Variants in AGMO observed in about 807,000 individuals in gnomAD.
AGMO encodes the protein glyceryl-ether monooxygenase.
In AGMO, 75 loss-of-function variants were observed where a neutral mutation model predicts 60.2. The observed-to-expected ratio is 1.25, with a 90% confidence interval of 1.03 to 1.51. AGMO has a LOEUF of 1.51. Among genes scored for constraint, AGMO ranks in the 40% most tolerant of loss-of-function variants. The pLI, the probability that AGMO is intolerant of heterozygous loss-of-function variation, is 0.00. For missense variants in AGMO, 763 were observed against 525.5 expected (o/e 1.45, Z -4.42); for synonymous variants, 261 against 177.1 (o/e 1.47, Z -3.76).
chr7:15,352,447 GTT>G (rs564021801), intron 12 of AGMO, among the ~76,000 whole-genome samples: 1 of 135,362 alleles, frequency 7.4e-6, no homozygotes. Flanking sequence ...CCAGAAGTAT[GTT>G]TTTTTTTTTT....
At chr7:15,354,440 ACACACG>A (rs1563105586) in intron 12 of AGMO, among the ~76,000 whole-genome samples, 1,416 of 20,560 alleles carry the variant, frequency 0.069, 197 homozygotes, top group Admixed American at 0.083. Context: ...GTGTGTGTAT[ACACACG>A]TGTGTGTATA....
chr7:15,118,364 G>A, the AGMO span, among the ~76,000 whole-genome samples: 1 of 151,940 alleles, frequency 6.6e-6, no homozygotes, highest in Non-Finnish European at 1.5e-5. Flanking sequence ...ATAGTTACAT[G>A]CAATTATCTG....
intron 2 of AGMO, among the ~76,000 whole-genome samples, chr7:15,555,824 C>G (rs554943233): frequency 6.6e-6 from 1 of 151,912 alleles, no homozygotes. Flanking sequence ...AAGACAAAGT[C>G]TATTTATTAG....
chr7:15,245,146 T>A (rs1409114886), intron 12 of AGMO, among the ~76,000 whole-genome samples: 1 of 152,164 alleles, frequency 6.6e-6, no homozygotes, highest in Non-Finnish European at 1.5e-5. Flanking sequence ...CCTAGTAGAT[T>A]AGGGTATTGT....
At chr7:15,322,575 A>T (rs866154649) in intron 12 of AGMO, among the ~76,000 whole-genome samples, 33 of 41,552 alleles carry the variant, frequency 7.9e-4, no homozygotes, top group African/African-American at 1.2e-3. Flanking sequence ...AATATATATA[A>T]ATATATATAA....
chr7:15,478,335 A>G lies in AGMO; in HGVS notation c.410-47227T>C, dbSNP rs184804607. ...GTTTGTCTATGAAACTAAAGGCTAA[A>G]GCTTGGTAATCTCCAAGGGTCTTTC... is the stretch of plus-strand genomic sequence containing the variant. On this transcript the variant is annotated intron_variant, in intron 3 of 12. Coordinates refer to ENST00000342526, the MANE Select transcript of AGMO (RefSeq NM_001004320.2). Among the ~76,000 whole-genome samples the G allele has an allele frequency of 3.7e-4, 57 of 152,276 alleles. No homozygotes were observed. The East Asian group carries it at 0.011, about 28-fold the overall frequency.
chr7:15,252,829 T>C (rs1412215843), intron 12 of AGMO, among the ~76,000 whole-genome samples: 1 of 152,114 alleles, frequency 6.6e-6, no homozygotes, highest in Non-Finnish European at 1.5e-5. Flanking sequence ...CAGTAACAGA[T>C]ACTGAAAAAG....
chr7:15,300,722 G>T (rs1431652397), intron 12 of AGMO, among the ~76,000 whole-genome samples: 1 of 152,138 alleles, frequency 6.6e-6, no homozygotes, highest in African/African-American at 2.4e-5. Flanking sequence ...GCATGAGAAA[G>T]AGTAAAACTC....
intron 3 of AGMO, among the ~76,000 whole-genome samples, chr7:15,505,616 T>C (rs1002792692): frequency 6.6e-6 from 1 of 152,032 alleles, no homozygotes; most frequent in Admixed American, 6.6e-5. Flanking sequence ...TGAAAAGTCT[T>C]GAGTTTTTGT....
chr7:15,409,562 G>C (rs1406705369), intron 5 of AGMO, among the ~76,000 whole-genome samples: 1 of 151,780 alleles, frequency 6.6e-6, no homozygotes, highest in Non-Finnish European at 1.5e-5. Context: ...TTCTAGAATG[G>C]TTTCCTGCTG....
At chr7:15,354,968 T>A (rs1022893432) in intron 12 of AGMO, among the ~76,000 whole-genome samples, 9 of 152,092 alleles carry the variant, frequency 5.9e-5, no homozygotes, top group Non-Finnish European at 1.3e-4. Flanking sequence ...TGAAGTGGCT[T>A]ATGCTCACTT....
At chr7:15,519,506 C>T (rs1245168446) in intron 3 of AGMO, among the ~76,000 whole-genome samples, 1 of 152,184 alleles carries the variant, frequency 6.6e-6, no homozygotes, top group East Asian at 1.9e-4. Context: ...CAACATTCAA[C>T]ATTCTTAAAG....
intron 10 of AGMO, among the ~76,000 whole-genome samples, chr7:15,369,801 A>G (rs1391689893): frequency 6.6e-6 from 1 of 152,168 alleles, no homozygotes; most frequent in South Asian, 2.1e-4. Context: ...CAATATGTTT[A>G]TTGAAAGACT....
At chr7:15,337,840 A>AC (rs1781712174) in intron 12 of AGMO, among the ~76,000 whole-genome samples, 1 of 152,104 alleles carries the variant, frequency 6.6e-6, no homozygotes, top group Admixed American at 6.6e-5. Flanking sequence ...TATATTAGGC[A>AC]CCTGGGCTCC....
chr7:15,178,008 A>G, the AGMO span, among the ~76,000 whole-genome samples: 3 of 152,182 alleles, frequency 2.0e-5, no homozygotes, highest in Middle Eastern at 6.8e-3. Flanking sequence ...TGTCTTAATT[A>G]TATTGTTCGT....
intron 12 of AGMO, among the ~76,000 whole-genome samples, chr7:15,284,336 G>C (rs774764447): frequency 6.6e-6 from 1 of 151,988 alleles, no homozygotes; most frequent in Admixed American, 6.6e-5. Flanking sequence ...CCATTAGCTA[G>C]ATTAATCAAG....
Position 15,210,384 on chromosome 7 carries a change from G to A in AGMO, c.1264-9025C>T, listed in dbSNP as rs73277603. The stretch of plus-strand genomic sequence containing the variant: ...TAAGATCCTCTGCTAATATTAATCT[G>A]GAAGATGTTGATTTACTTTTTAAGT... On this transcript the variant is annotated intron_variant, in intron 12 of 12. Transcript: ENST00000342526. Among the ~76,000 whole-genome samples, 1,422 of 152,154 alleles carry A rather than the reference G, an allele frequency of 9.3e-3. 23 individuals carry two copies. Among genetic ancestry groups the A allele is most frequent in the African/African-American group, 0.033 (1,357 of 41,526 alleles).
intron 2 of AGMO, among the ~76,000 whole-genome samples, chr7:15,545,863 A>G (rs1784766802): frequency 6.6e-6 from 1 of 151,812 alleles, no homozygotes; most frequent in Non-Finnish European, 1.5e-5. Flanking sequence ...TTCCTTCTAT[A>G]TTTATTATTA....
chr7:15,265,809 G>A (rs956303764), intron 12 of AGMO, among the ~76,000 whole-genome samples: 1 of 152,048 alleles, frequency 6.6e-6, no homozygotes, highest in Non-Finnish European at 1.5e-5. Context: ...TGAAAGCCAT[G>A]TCTTGAAAAG....
Sources: allele counts gnomAD v4.1 joint callset (sites outside exome capture counted in the v4.1 genomes callset), GRCh38; gene constraint gnomAD v4.1.1; transcripts MANE v1.5; gene names NCBI Gene and HGNC (gene_info 2026-07-23, HGNC 2026-07-21).